The following PTPRN2 variants were observed in gnomAD, a reference collection of about 807,000 sequenced individuals.
PTPRN2 encodes protein tyrosine phosphatase receptor type N2.
PTPRN2 carries 74 observed loss-of-function variants against 118.8 expected under a neutral mutation model. The ratio of observed to expected loss-of-function variants is 0.62; its 90% CI spans 0.52 to 0.76. The LOEUF (loss-of-function observed/expected upper bound fraction) is 0.76. PTPRN2 is among the 30% of genes least tolerant of loss of function. The pLI, the probability that PTPRN2 is intolerant of heterozygous loss-of-function variation, is 0.00. For synonymous variants in PTPRN2, 641 were observed against 608.0 expected, an observed-to-expected ratio of 1.05 and a Z score of -0.80; for missense variants, 1,481 against 1,394.4, an observed-to-expected ratio of 1.06 and a Z score of -0.99.
intron 12 of PTPRN2, among the ~76,000 whole-genome samples, chr7:157,819,367 C>G (rs896434934): frequency 3.3e-5 from 5 of 152,190 alleles, no homozygotes; most frequent in Non-Finnish European, 7.4e-5. Context: ...TCTGTCGGCT[C>G]GAGTCTGAGC....
chr7:158,542,432 C>T (rs1214071784), intron 1 of PTPRN2, among the ~76,000 whole-genome samples: 3 of 152,240 alleles, frequency 2.0e-5, no homozygotes, highest in Non-Finnish European at 2.9e-5. Context: ...GGATTACGGG[C>T]GTGAGCCACG....
At chr7:157,612,774 C>G (rs1375573378) in intron 15 of PTPRN2, among the ~76,000 whole-genome samples, 1 of 152,220 alleles carries the variant, frequency 6.6e-6, no homozygotes, top group African/African-American at 2.4e-5. Context: ...AACGCCCAAA[C>G]AGCTCGCGGG....
At chr7:157,672,228 C>T (rs756201093) in intron 13 of PTPRN2, among the ~76,000 whole-genome samples, 3 of 152,052 alleles carry the variant, frequency 2.0e-5, no homozygotes, top group African/African-American at 7.2e-5. Context: ...GACGCATGCC[C>T]GGGGCGAGGA....
At chr7:158,584,748 C>T (rs770967852) in intron 1 of PTPRN2, among the ~76,000 whole-genome samples, 5 of 152,182 alleles carry the variant, frequency 3.3e-5, no homozygotes, top group Non-Finnish European at 5.9e-5. Context: ...TCGTGGAGTG[C>T]GGCTCAAGGC....
intron 11 of PTPRN2, among the ~76,000 whole-genome samples, chr7:157,949,232 C>G (rs183994382): frequency 3.1e-4 from 47 of 152,278 alleles, no homozygotes; most frequent in African/African-American, 1.1e-3. Context: ...TAAAATGATG[C>G]ATTTTGGGAT....
intron 11 of PTPRN2, among the ~76,000 whole-genome samples, chr7:158,072,100 A>AGGTGCTCGTGG: frequency 8.4e-6 from 1 of 118,392 alleles, no homozygotes; most frequent in Middle Eastern, 6.0e-3. Context: ...TGCTCGTAGT[A>AGGTGCTCGTGG]TGGAGGTGCT....
intron 21 of PTPRN2, among the ~76,000 whole-genome samples, chr7:157,552,249 A>G (rs538116433): frequency 1.3e-5 from 2 of 152,326 alleles, no homozygotes; most frequent in East Asian, 3.9e-4. Flanking sequence ...TACCACGTGT[A>G]AAAAACAATA....
chr7:157,961,819 CATG>C (rs1801558760), intron 11 of PTPRN2, among the ~76,000 whole-genome samples: 1 of 152,222 alleles, frequency 6.6e-6, no homozygotes, highest in Non-Finnish European at 1.5e-5. Context: ...GGAGCCCGAA[CATG>C]AGCCTCTGTC....
intron 11 of PTPRN2, among the ~76,000 whole-genome samples, chr7:158,034,225 C>T (rs1807924328): frequency 6.8e-6 from 1 of 147,946 alleles, no homozygotes; most frequent in Non-Finnish European, 1.5e-5. Context: ...ACTGAGACCT[C>T]AATAGAAACT....
chr7:158,155,183 C>T (rs1354175973), intron 6 of PTPRN2, among the ~76,000 whole-genome samples: 1 of 152,220 alleles, frequency 6.6e-6, no homozygotes, highest in East Asian at 1.9e-4. Flanking sequence ...GATCAGCTCA[C>T]ATGACTCTGC....
chr7:158,157,702 G>A (rs1821956760), intron 6 of PTPRN2, among the ~76,000 whole-genome samples: 2 of 152,302 alleles, frequency 1.3e-5, no homozygotes, highest in South Asian at 4.1e-4. Context: ...TGTCCTCAAG[G>A]TGCAGTGAGA....
chr7:157,938,575 C>T (rs930289), intron 11 of PTPRN2, among the ~76,000 whole-genome samples: 58,657 of 151,788 alleles, frequency 0.39, 13,552 homozygotes, highest in East Asian at 0.63. Context: ...CACCCAAAGG[C>T]AAGATGTGAA....
intron 10 of PTPRN2, among the ~76,000 whole-genome samples, chr7:158,106,447 G>A (rs1815689677): frequency 6.6e-6 from 1 of 152,140 alleles, no homozygotes; most frequent in Admixed American, 6.5e-5. Context: ...CTTGGCTCCA[G>A]CTTCTTTCTT....
At chr7:158,192,535 G>C (rs1445649480) in intron 4 of PTPRN2, 40 bp from the exon 5 acceptor site, 2 of 1,554,636 alleles carry the variant, frequency 1.3e-6, no homozygotes, top group Non-Finnish European at 8.6e-7. Flanking sequence ...CCGCATGTTT[G>C]CTGGTGCCTG....
chr7:158,158,426 A>G (rs1377386330), intron 6 of PTPRN2, among the ~76,000 whole-genome samples: 1 of 152,248 alleles, frequency 6.6e-6, no homozygotes, highest in Non-Finnish European at 1.5e-5. Context: ...AGGGTCACGG[A>G]AGGCTCGAAG....
intron 12 of PTPRN2, among the ~76,000 whole-genome samples, chr7:157,843,529 GT>G (rs1395003574): frequency 6.6e-6 from 1 of 152,182 alleles, no homozygotes; most frequent in Non-Finnish European, 1.5e-5. Context: ...AAGTCAAGAG[GT>G]CCCCTCCTTC....
intron 11 of PTPRN2, among the ~76,000 whole-genome samples, chr7:158,002,410 ATGT>A (rs945614935): frequency 3.2e-4 from 48 of 152,324 alleles, no homozygotes; most frequent in African/African-American, 1.0e-3. Flanking sequence ...GTGAGGGGAA[ATGT>A]TGTAAACTAA....
At chr7:157,567,780 C>T (rs1799562128) in intron 21 of PTPRN2, among the ~76,000 whole-genome samples, 1 of 152,166 alleles carries the variant, frequency 6.6e-6, no homozygotes, top group Non-Finnish European at 1.5e-5. Flanking sequence ...GATGCTACCA[C>T]CTCGGTGCCT....
At chr7:157,582,294 T>C (rs4716759) in intron 17 of PTPRN2, among the ~76,000 whole-genome samples, 42,856 of 151,978 alleles carry the variant, frequency 0.28, 7,456 homozygotes, top group African/African-American at 0.49. Context: ...AGTATTTAAT[T>C]AGCAAACAAA....
Sources: allele counts gnomAD v4.1 joint callset (sites outside exome capture counted in the v4.1 genomes callset), GRCh38; gene constraint gnomAD v4.1.1; transcripts MANE v1.5; gene names NCBI Gene and HGNC (gene_info 2026-07-23, HGNC 2026-07-21).